Variants in STAG3 observed in about 807,000 individuals in gnomAD.
STAG3 encodes the protein STAG3 cohesin complex component.
STAG3 carries 101 observed loss-of-function variants against 160.7 expected under a neutral mutation model. That is an observed-to-expected ratio of 0.63 (90% CI 0.54 to 0.74). STAG3 has a LOEUF of 0.74. STAG3 is among the 30% of genes least tolerant of loss of function. The probability of loss-of-function intolerance (pLI) is 0.00; values close to 1 mark genes in which losing one functional copy is unlikely to be tolerated. For missense variants in STAG3, 1,188 were observed against 1,517.4 expected (o/e 0.78, Z 3.61); for synonymous variants, 519 against 585.0 (o/e 0.89, Z 1.63).
chr7:100,211,002 G>A lies in STAG3; in HGVS notation c.3239-9G>A, dbSNP rs770452924. ...TGGGCTGTGGTTAATGTATGCATCT[G>A]CTTGGCAGGGCCTGCCAAGCCTAAC... is the stretch of plus-strand genomic sequence containing the variant. On this transcript the variant is annotated splice_polypyrimidine_tract_variant and intron_variant, in intron 29 of 33. Transcript: ENST00000615138. 1 of 1,611,356 alleles carries A rather than the reference G, an allele frequency of 6.2e-7. No homozygotes were observed. The highest frequency in any genetic ancestry group is 2.2e-5 in the East Asian group (1 of 44,758).
chr7:100,199,728 A>G, intron 16 of STAG3, 84 bp downstream of exon 16: 1 of 1,083,690 alleles, frequency 9.2e-7, no homozygotes, highest in African/African-American at 1.6e-5. Flanking sequence ...GGCTGGGGTT[A>G]GGGTGCTCCT....
chr7:100,197,181 A>G lies in STAG3; in HGVS notation c.967A>G (p.Ile323Val), dbSNP rs140084970. 8.7e-6 allele frequency: 14 copies of G among 1,603,046 alleles called. No individual in the cohort carries two copies. Among genetic ancestry groups the G allele is most frequent in the South Asian group, 7.7e-5 (7 of 90,584 alleles). The part of the protein sequence containing the change: ...YRDVLPEIRA[I>V]CIEEIGCWMQ... ...GGATGTCCTTCCTGAGATCCGTGCT[A>G]TCTGCATTGAGGAAATTGGGTGTTG... Residue 323 changes from isoleucine to valine, a missense_variant, in exon 10 of 34, where the codon ATC becomes GTC. Transcript: ENST00000615138.
At chr7:100,182,967 G>C in intron 4 of STAG3, 128 bp downstream of exon 4, 1 of 1,092,544 alleles carries the variant, frequency 9.2e-7, no homozygotes, top group Non-Finnish European at 1.4e-6. Flanking sequence ...ATAAGGTTAT[G>C]GGGTGAATCC....
At chr7:100,187,519 A>G (rs1379435527) in intron 5 of STAG3, among the ~76,000 whole-genome samples, 3 of 152,024 alleles carry the variant, frequency 2.0e-5, no homozygotes, top group Non-Finnish European at 4.4e-5. Context: ...AGGCCTGGGT[A>G]CTTTTGGGAG....
At chr7:100,189,913 A>G (rs949576227) in intron 8 of STAG3, among the ~76,000 whole-genome samples, 4 of 151,534 alleles carry the variant, frequency 2.6e-5, no homozygotes, top group Non-Finnish European at 5.9e-5. Context: ...GTTTTGACCT[A>G]CTTGTCAAGT....
chr7:100,217,108 A>C (rs772819762), downstream of STAG3, among the ~76,000 whole-genome samples: 5 of 152,324 alleles, frequency 3.3e-5, no homozygotes, highest in East Asian at 1.9e-4. Flanking sequence ...CATGACTTAC[A>C]ATGTTTTTAT....
At position 100,180,609 on chromosome 7, in the gene STAG3, C is replaced by A. The variant is rs760422102; in HGVS notation, c.53C>A (p.Ala18Glu). The A allele has an allele frequency of 1.2e-6, 2 of 1,613,658 alleles. No homozygotes were observed. Among genetic ancestry groups the A allele is most frequent in the Admixed American group, 3.3e-5 (2 of 60,022 alleles). ...GGAGATACCAAGAGGGCCTTGTCTG[C>A]ATCTTCTAGTTCCTCTGCCAGTCTA... ...AVGDTKRALS[A>E]SSSSSASLPF... The change falls in exon 2 of 34, where the codon GCA becomes GAA. Residue 18 changes from alanine to glutamate, a missense_variant. By Grantham distance (107) the Ala-to-Glu change is moderately radical. This residue lies in a region of STAG3 where 296 missense variants were observed against 404.0 expected (regional missense o/e 0.73). Coordinates refer to ENST00000615138, the MANE Select transcript of STAG3 (RefSeq NM_001282717.2).
chr7:100,214,412 A>T (rs1802585795), downstream of STAG3: 1 of 249,682 alleles, frequency 4.0e-6, no homozygotes, highest in African/African-American at 2.2e-5. Context: ...TGAGATCGTT[A>T]AACTGATGGA....
At chr7:100,195,486 T>C in intron 9 of STAG3, 104 bp downstream of exon 9, 1 of 1,110,960 alleles carries the variant, frequency 9.0e-7, no homozygotes, top group Non-Finnish European at 1.3e-6. Context: ...ATTTGGTTAG[T>C]CCCAGAATTA....
In STAG3 at chr7:100,207,589, A is replaced by G. The variant is rs1801772657; in HGVS notation, c.3238+2205A>G. 6.6e-6 allele frequency among the ~76,000 whole-genome samples: 1 copy of G among 152,108 alleles called. No individual in the cohort carries two copies. The highest frequency in any genetic ancestry group is 1.5e-5 in the Non-Finnish European group (1 of 68,002). ...GGTTGTCTTTTTATTGTTGAGTTGT[A>G]AGTATTCTTTATATATTCTAGACAT... On this transcript the variant is annotated intron_variant, in intron 29 of 33. Transcript: ENST00000615138. The surrounding 1 kb of genome is among the most constrained non-coding windows in gnomAD (Gnocchi z 4.0).
chr7:100,206,807 A>G (rs1337470855), intron 29 of STAG3, among the ~76,000 whole-genome samples: 3 of 152,064 alleles, frequency 2.0e-5, no homozygotes, highest in Non-Finnish European at 4.4e-5. Context: ...TAGCATATTC[A>G]CTGAATTGTA....
rs1036969091 is a variant in STAG3 at position 100,207,888 on chromosome 7, G to A, written c.3238+2504G>A. Among the ~76,000 whole-genome samples, 1 of 152,076 alleles carries A rather than the reference G, an allele frequency of 6.6e-6. No homozygotes were observed. Among genetic ancestry groups the A allele is most frequent in the Non-Finnish European group, 1.5e-5 (1 of 68,014 alleles). ...TCCCAGCACTTTGGGAGGCCGAGGCGGGCGGATCACGAGGTCAGGAGATTG... is the reference window on the plus strand; with the variant it reads ...TCCCAGCACTTTGGGAGGCCGAGGCAGGCGGATCACGAGGTCAGGAGATTG... On this transcript the variant is annotated intron_variant, in intron 29 of 33. Transcript: ENST00000615138. This position sits in a 1 kb window ranked among gnomAD's most constrained non-coding sequence, Gnocchi z 4.0.
chr7:100,191,510 T>G (rs906249778), intron 8 of STAG3, among the ~76,000 whole-genome samples: 16 of 152,232 alleles, frequency 1.1e-4, no homozygotes, highest in African/African-American at 3.6e-4. Flanking sequence ...ATATGAAAGT[T>G]GTGTTTACAC....
In STAG3 at chr7:100,200,310, G is replaced by GCC. The variant is rs1274156734; in HGVS notation, c.1755_1756dup (p.Gln586ProfsTer50). ...TGACTGAGCACCTCATCCCCCTGCT[G>GCC]CCCCAGCTCCTGGCCAAGGTACCGC... On this transcript the variant is annotated frameshift_variant, in exon 17 of 34. Transcript: ENST00000615138. LOFTEE classifies it high-confidence loss of function. The GCC allele has an allele frequency of 1.9e-6, 3 of 1,613,756 alleles. No individual in the cohort carries two copies. Among genetic ancestry groups the GCC allele is most frequent in the Non-Finnish European group, 2.5e-6 (3 of 1,179,892 alleles).
At position 100,195,327 on chromosome 7, in the gene STAG3, G is replaced by A; in HGVS notation, c.886G>A (p.Glu296Lys). The A allele has an allele frequency of 6.2e-7, 1 of 1,614,158 alleles. No homozygotes were observed. Among genetic ancestry groups the A allele is most frequent in the Admixed American group, 1.7e-5 (1 of 60,020 alleles). The change falls in exon 9 of 34, where the codon GAG becomes AAG. Residue 296 changes from glutamate (E) to lysine (K), a missense_variant. Glu to Lys is a moderately conservative substitution (Grantham distance 56, BLOSUM62 1). Transcript: ENST00000615138. ...CCTCCAGCTCCAAGAGCATCAAGAG[G>A]AGATTGAGGGGATGATGAATGCCCT... ...KRKELQEHQE[E>K]IEGMMNALFR...
chr7:100,214,716 C>T (rs540032778), downstream of STAG3, among the ~76,000 whole-genome samples: 13 of 152,250 alleles, frequency 8.5e-5, no homozygotes, highest in East Asian at 3.9e-4. Flanking sequence ...CCTTCACCCA[C>T]GGGTTCTTTC....
chr7:100,177,815 TG>T (rs1799363878), upstream of STAG3: 1 of 152,364 alleles, frequency 6.6e-6, no homozygotes, highest in Admixed American at 6.5e-5. Context: ...GACTCAAACG[TG>T]GCGCGCATCA....
Position 100,201,075 on chromosome 7 carries a change from T to A in STAG3, c.2062-15T>A. 6.2e-7 allele frequency: 1 copy of A among 1,614,202 alleles called. No homozygotes were observed. The highest frequency in any genetic ancestry group is 8.5e-7 in the Non-Finnish European group (1 of 1,180,032). On this transcript the variant is annotated splice_polypyrimidine_tract_variant and intron_variant, in intron 19 of 33. Coordinates refer to ENST00000615138, the MANE Select transcript of STAG3 (RefSeq NM_001282717.2). ...TCTGGGGGAAATGCTATTGTGGATC[T>A]TCTTTCCTTCTCAGTCGTCCTTCCT...
At chr7:100,199,885 C>A (rs982926117) in intron 16 of STAG3, among the ~76,000 whole-genome samples, 3 of 142,372 alleles carry the variant, frequency 2.1e-5, no homozygotes, top group Non-Finnish European at 4.6e-5. Flanking sequence ...GAAACCCTGT[C>A]TCTACTAAAA....
Sources: gnomAD v4.1 joint callset for allele counts (sites outside exome capture counted in the v4.1 genomes callset) on GRCh38, gnomAD v4.1.1 for gene constraint, gnomAD v4.1.1 regional missense constraint, Gnocchi (gnomAD v3.1) non-coding constraint, MANE v1.5 for transcripts, NCBI Gene and HGNC (gene_info 2026-07-23, HGNC 2026-07-21) for gene names.